The following WDR27 variants were observed in gnomAD, a reference collection of about 807,000 sequenced individuals.
The protein encoded by WDR27 is WD repeat domain 27.
A neutral mutation model predicts 114.4 loss-of-function variants in WDR27; 100 were observed. The ratio of observed to expected loss-of-function variants is 0.87; its 90% CI spans 0.74 to 1.03. WDR27 has a LOEUF of 1.03. Ranked by LOEUF, WDR27 falls within the 50% of genes least tolerant of loss-of-function variation. The probability of loss-of-function intolerance (pLI) is 0.00; values close to 1 mark genes in which losing one functional copy is unlikely to be tolerated. For missense variants in WDR27, 1,129 were observed against 1,092.9 expected (o/e 1.03, Z -0.47); for synonymous variants, 449 against 423.1 (o/e 1.06, Z -0.75).
rs574643651 is a variant in WDR27, at chr6:169,550,854, C to A, written c.2645+21565G>T. Among the ~76,000 whole-genome samples, 48 of 152,158 alleles carry A rather than the reference C, an allele frequency of 3.2e-4. 1 individual carries two copies. In the South Asian group the frequency reaches 7.9e-3, roughly 25 times the overall value. ...CCTCAGCATCCCAAGTAGCTGAGACCACAGGCATGCGCCACCACGCCTGGT... is the reference window on the plus strand; with the variant it reads ...CCTCAGCATCCCAAGTAGCTGAGACAACAGGCATGCGCCACCACGCCTGGT... On this transcript the variant is annotated intron_variant, in intron 25 of 25. Transcript: ENST00000448612.
chr6:169,525,816 G>A (rs1397321957), intron 25 of WDR27, among the ~76,000 whole-genome samples: 1 of 152,150 alleles, frequency 6.6e-6, no homozygotes, highest in Non-Finnish European at 1.5e-5. Flanking sequence ...ATTCGCAACA[G>A]CCAAAATATA....
chr6:169,601,269 TTC>T (rs1407865444), intron 23 of WDR27, among the ~76,000 whole-genome samples: 1 of 152,206 alleles, frequency 6.6e-6, no homozygotes, highest in Non-Finnish European at 1.5e-5. Flanking sequence ...TGCTGAGAGA[TTC>T]TGTCACCACC....
downstream of WDR27, among the ~76,000 whole-genome samples, chr6:169,454,637 G>A (rs540504053): frequency 3.9e-5 from 6 of 152,264 alleles, no homozygotes; most frequent in East Asian, 1.2e-3. Flanking sequence ...CACCCCCCTT[G>A]GTGGCCAGAC....
At chr6:169,658,126 C>T (rs184595345) in intron 13 of WDR27, 150 bp downstream of exon 13, 10 of 653,642 alleles carry the variant, frequency 1.5e-5, no homozygotes, top group African/African-American at 5.4e-5. Flanking sequence ...GGAACACGCA[C>T]GAGAGGCAGA....
Position 169,670,351 on chromosome 6 carries a change from A to C in WDR27, c.456+218T>G, listed in dbSNP as rs906923111. 5 of 423,186 alleles carry C rather than the reference A, an allele frequency of 1.2e-5. No homozygotes were observed. The Admixed American group carries it at 2.0e-4, about 17-fold the overall frequency. The allele number at this position is 423,186 out of a possible 1,614,324, so 26.2% of individuals were successfully genotyped here. ...TCATACCTGACACCCAGATTCCATA[A>C]AGAGTTTTAATATTTATATAAATAT... On this transcript the variant is annotated intron_variant, in intron 4 of 25. Coordinates refer to ENST00000448612, the MANE Select transcript of WDR27 (RefSeq NM_182552.5).
downstream of WDR27, among the ~76,000 whole-genome samples, chr6:169,455,535 T>C (rs1358658210): frequency 6.6e-6 from 1 of 152,226 alleles, no homozygotes; most frequent in Admixed American, 6.5e-5. Flanking sequence ...ATCCCACCAT[T>C]AGAAAGGCAG....
chr6:169,638,322 C>CAAAAAAAAAAAAA (rs60501000), intron 18 of WDR27, among the ~76,000 whole-genome samples: 4 of 11,064 alleles, frequency 3.6e-4, no homozygotes, highest in African/African-American at 6.4e-4. Flanking sequence ...GACTCCGTCT[C>CAAAAAAAAAAAAA]AAAAAAAAAA....
chr6:169,498,323 C>T (rs1005316513), intron 25 of WDR27, among the ~76,000 whole-genome samples: 1 of 151,970 alleles, frequency 6.6e-6, no homozygotes, highest in Admixed American at 6.6e-5. Flanking sequence ...TTAATGGGTA[C>T]AGAGATTCAA....
At chr6:169,614,663 G>C (rs964943546) in intron 21 of WDR27, among the ~76,000 whole-genome samples, 1 of 151,548 alleles carries the variant, frequency 6.6e-6, no homozygotes, top group African/African-American at 2.4e-5. Flanking sequence ...ACTCCAGCCT[G>C]GGCAACAGAG....
rs753694072 is a variant in WDR27 at position 169,647,829 on chromosome 6, C to T, written c.1601G>A (p.Gly534Asp). ...PVECAVPTKP[G>D]PQVAAAPTCT... ...GGTGGGGGCGGCAGCGACCTGGGGG[C>T]CGGGCTTGGTGGGCACAGCGCACTC... The change falls in exon 16 of 26, where the codon GGC becomes GAC. Residue 534 changes from glycine (G) to aspartate (D), a missense_variant. Physicochemically the swap from Gly to Asp is moderately conservative, Grantham distance 94. Coordinates refer to ENST00000448612, the MANE Select transcript of WDR27 (RefSeq NM_182552.5). 13 of 1,583,394 alleles carry T rather than the reference C, an allele frequency of 8.2e-6. No individual in the cohort carries two copies. Among genetic ancestry groups the T allele is most frequent in the Admixed American group, 1.8e-5 (1 of 55,452 alleles).
intron 25 of WDR27, among the ~76,000 whole-genome samples, chr6:169,550,059 T>C (rs1211315907): frequency 6.6e-6 from 1 of 152,044 alleles, no homozygotes; most frequent in Non-Finnish European, 1.5e-5. Context: ...TGTAGGTTCA[T>C]CAACAATGGT....
intron 13 of WDR27, among the ~76,000 whole-genome samples, chr6:169,655,420 A>G (rs1433734405): frequency 2.0e-5 from 3 of 152,244 alleles, no homozygotes; most frequent in Non-Finnish European, 2.9e-5. Flanking sequence ...GCCTGGGACA[A>G]GCCAAACGTC....
chr6:169,490,974 A>C (rs1055963341), intron 25 of WDR27, among the ~76,000 whole-genome samples: 1 of 152,168 alleles, frequency 6.6e-6, no homozygotes, highest in Non-Finnish European at 1.5e-5. Context: ...CCATCCGTAC[A>C]CCACTCATCA....
intron 25 of WDR27, among the ~76,000 whole-genome samples, chr6:169,479,450 T>C (rs1787645397): frequency 6.6e-6 from 1 of 151,968 alleles, no homozygotes; most frequent in Non-Finnish European, 1.5e-5. Context: ...TGGTAAAGGG[T>C]TCAATTTAAC....
intron 21 of WDR27, among the ~76,000 whole-genome samples, chr6:169,617,252 G>A (rs1042143435): frequency 6.6e-6 from 1 of 152,206 alleles, no homozygotes; most frequent in Non-Finnish European, 1.5e-5. Context: ...AAGCCGGCAT[G>A]TGGTGGACTG....
chr6:169,583,300 G>GAAAA (rs1562629366), intron 23 of WDR27, among the ~76,000 whole-genome samples: 1 of 56,824 alleles, frequency 1.8e-5, no homozygotes, highest in Middle Eastern at 0.011. Context: ...CAAATTGAAT[G>GAAAA]GAAAAAAAAA....
intron 17 of WDR27, among the ~76,000 whole-genome samples, chr6:169,641,676 C>T (rs961110312): frequency 3.9e-5 from 6 of 152,212 alleles, no homozygotes; most frequent in African/African-American, 1.4e-4. Context: ...CAGCTCGAGC[C>T]AACCAAGAGC....
intron 25 of WDR27, among the ~76,000 whole-genome samples, chr6:169,490,810 C>T (rs985249328): frequency 1.6e-4 from 25 of 152,154 alleles, no homozygotes; most frequent in African/African-American, 6.0e-4. Flanking sequence ...CAGCCTGCAT[C>T]TCTGAAGAGT....
chr6:169,464,124 ACTTAC>A (rs1218951232), intron 25 of WDR27, among the ~76,000 whole-genome samples: 2 of 152,222 alleles, frequency 1.3e-5, no homozygotes, highest in African/African-American at 2.4e-5. Flanking sequence ...TGATTTCAAA[ACTTAC>A]TATTAATACA....
Sources: gnomAD v4.1 joint callset for allele counts (sites outside exome capture counted in the v4.1 genomes callset) on GRCh38, gnomAD v4.1.1 for gene constraint, MANE v1.5 for transcripts, NCBI Gene and HGNC (gene_info 2026-07-23, HGNC 2026-07-21) for gene names.